The following CCSER1 variants were observed in gnomAD, a reference collection of about 807,000 sequenced individuals.
CCSER1 encodes the protein coiled-coil serine rich protein 1, also known as serine-rich coiled-coil domain-containing protein 1.
CCSER1 carries 41 observed loss-of-function variants against 82.0 expected under a neutral mutation model. The ratio of observed to expected loss-of-function variants is 0.50; its 90% CI spans 0.39 to 0.65. The LOEUF (loss-of-function observed/expected upper bound fraction) is 0.65. CCSER1 is among the 30% of genes least tolerant of loss of function. The probability of loss-of-function intolerance (pLI) is 0.00; values close to 1 mark genes in which losing one functional copy is unlikely to be tolerated. For synonymous variants in CCSER1, 414 were observed against 383.9 expected, an observed-to-expected ratio of 1.08 and a Z score of -0.92; for missense variants, 1,119 against 1,064.2, an observed-to-expected ratio of 1.05 and a Z score of -0.72.
intron 9 of CCSER1, among the ~76,000 whole-genome samples, chr4:91,077,923 G>A (rs986123954): frequency 6.6e-6 from 1 of 152,248 alleles, no homozygotes; most frequent in African/African-American, 2.4e-5. Flanking sequence ...GCTGAGGCTT[G>A]AGTAGGTAAA....
intron 3 of CCSER1, among the ~76,000 whole-genome samples, chr4:90,338,059 T>G (rs1176837812): frequency 6.6e-6 from 1 of 152,212 alleles, no homozygotes; most frequent in African/African-American, 2.4e-5. Context: ...AATAAAATGC[T>G]GATACTAATG....
chr4:90,892,170 T>G (rs2150117237), intron 8 of CCSER1, among the ~76,000 whole-genome samples: 1 of 152,242 alleles, frequency 6.6e-6, no homozygotes, highest in South Asian at 2.1e-4. Context: ...AATCTGAAGT[T>G]GAGAATTGCT....
intron 7 of CCSER1, among the ~76,000 whole-genome samples, chr4:90,761,225 A>T (rs1750366288): frequency 6.6e-6 from 1 of 152,066 alleles, no homozygotes; most frequent in Non-Finnish European, 1.5e-5. Flanking sequence ...TTTTGGATTT[A>T]TTTATGATAG....
chr4:91,045,306 T>C (rs1352985658), intron 9 of CCSER1, among the ~76,000 whole-genome samples: 1 of 152,234 alleles, frequency 6.6e-6, no homozygotes, highest in Non-Finnish European at 1.5e-5. Flanking sequence ...GTTCTCTTGA[T>C]TTAATGTTAT....
At chr4:91,535,249 G>T (rs1761237323) in intron 10 of CCSER1, among the ~76,000 whole-genome samples, 1 of 151,832 alleles carries the variant, frequency 6.6e-6, no homozygotes, top group Non-Finnish European at 1.5e-5. Flanking sequence ...TCTGAATATT[G>T]ATTTAGCCAA....
At chr4:90,667,821 G>A (rs989820408) in intron 6 of CCSER1, among the ~76,000 whole-genome samples, 14 of 152,070 alleles carry the variant, frequency 9.2e-5, no homozygotes, top group Non-Finnish European at 1.8e-4. Flanking sequence ...ATTATTAATG[G>A]TCATTGCTAT....
At chr4:90,709,794 A>T (rs1219802601) in intron 6 of CCSER1, among the ~76,000 whole-genome samples, 3 of 152,136 alleles carry the variant, frequency 2.0e-5, no homozygotes, top group African/African-American at 4.8e-5. Context: ...CTTTGGGTAT[A>T]TACCCAGTAA....
chr4:91,255,198 A>C (rs1422821381), intron 10 of CCSER1, among the ~76,000 whole-genome samples: 2 of 152,186 alleles, frequency 1.3e-5, no homozygotes, highest in African/African-American at 4.8e-5. Flanking sequence ...TCTGGGACAG[A>C]ATACCTAGGC....
chr4:91,378,861 C>T (rs1299391955), intron 10 of CCSER1, among the ~76,000 whole-genome samples: 13 of 152,098 alleles, frequency 8.5e-5, no homozygotes, highest in African/African-American at 1.7e-4. Flanking sequence ...AGTTTTTGCC[C>T]ATTCAGTATG....
At chr4:90,140,006 G>A (rs573489854) in intron 1 of CCSER1, among the ~76,000 whole-genome samples, 38 of 152,022 alleles carry the variant, frequency 2.5e-4, no homozygotes, top group Admixed American at 2.2e-3. Flanking sequence ...AATGAATAAA[G>A]CAAAAGATCT....
chr4:91,162,541 C>T (rs906400175), intron 10 of CCSER1, among the ~76,000 whole-genome samples: 35 of 152,238 alleles, frequency 2.3e-4, no homozygotes, highest in African/African-American at 7.9e-4. Context: ...TAGAATTTGG[C>T]TGTGAATCCG....
intron 10 of CCSER1, among the ~76,000 whole-genome samples, chr4:91,382,347 A>G (rs1442041011): frequency 6.6e-6 from 1 of 152,138 alleles, no homozygotes; most frequent in Admixed American, 6.5e-5. Context: ...AGCTGCAGTG[A>G]GTTCCACCCA....
chr4:91,075,643 C>A (rs1203988609), intron 9 of CCSER1, among the ~76,000 whole-genome samples: 2 of 151,850 alleles, frequency 1.3e-5, no homozygotes, highest in Non-Finnish European at 2.9e-5. Flanking sequence ...ACATATTCTT[C>A]TTTCTGAAGT....
At chr4:91,400,817 T>C (rs1752269652) in intron 10 of CCSER1, among the ~76,000 whole-genome samples, 1 of 151,826 alleles carries the variant, frequency 6.6e-6, no homozygotes, top group African/African-American at 2.4e-5. Context: ...TTCAATTAAG[T>C]CTATGGTTGT....
chr4:90,793,587 G>A (rs549397276), intron 7 of CCSER1, among the ~76,000 whole-genome samples: 1 of 152,246 alleles, frequency 6.6e-6, no homozygotes, highest in African/African-American at 2.4e-5. Flanking sequence ...TGGACATTTA[G>A]GTTGATTCCA....
At chr4:91,320,252 G>T (rs759642004) in intron 10 of CCSER1, among the ~76,000 whole-genome samples, 1 of 151,996 alleles carries the variant, frequency 6.6e-6, no homozygotes, top group Non-Finnish European at 1.5e-5. Context: ...TGTCAAGGTT[G>T]CTAAGATCTA....
chr4:91,298,280 G>A (rs1344265470), intron 10 of CCSER1, among the ~76,000 whole-genome samples: 1 of 152,004 alleles, frequency 6.6e-6, no homozygotes, highest in African/African-American at 2.4e-5. Flanking sequence ...ACCTGTCATT[G>A]TTCATTCTTG....
At chr4:90,968,626 C>T (rs1734794240) in intron 9 of CCSER1, among the ~76,000 whole-genome samples, 1 of 152,044 alleles carries the variant, frequency 6.6e-6, no homozygotes, top group African/African-American at 2.4e-5. Flanking sequence ...GGAACAGGTA[C>T]ATCCATAGAA....
chr4:90,259,690 G>A (rs1723964568), intron 1 of CCSER1, among the ~76,000 whole-genome samples: 1 of 152,038 alleles, frequency 6.6e-6, no homozygotes, highest in Admixed American at 6.6e-5. Flanking sequence ...TTTACCAAGT[G>A]CTTTTCCCTT....
Sources: allele counts gnomAD v4.1 joint callset (sites outside exome capture counted in the v4.1 genomes callset), GRCh38; gene constraint gnomAD v4.1.1; transcripts MANE v1.5; gene names NCBI Gene and HGNC (gene_info 2026-07-23, HGNC 2026-07-21).